The following KAZN variants were observed in gnomAD, a reference collection of about 807,000 sequenced individuals.
KAZN encodes the protein kazrin.
A neutral mutation model predicts 87.4 loss-of-function variants in KAZN; 40 were observed. The observed-to-expected ratio is 0.46, with a 90% CI of 0.36 to 0.60. The LOEUF (loss-of-function observed/expected upper bound fraction) is 0.60. Ranked by LOEUF, KAZN falls within the 20% of genes least tolerant of loss-of-function variation. The pLI is 0.00. For synonymous variants in KAZN, 466 were observed against 458.3 expected (o/e 1.02, Z -0.22); for missense variants, 898 against 1,073.9 (o/e 0.84, Z 2.29).
intron 1 of KAZN, among the ~76,000 whole-genome samples, chr1:13,962,499 C>G (rs765635434): frequency 1.3e-5 from 2 of 152,164 alleles, no homozygotes; most frequent in Non-Finnish European, 2.9e-5. Flanking sequence ...GAGGCTCTCA[C>G]TTGCATCATT....
At chr1:14,817,314 C>A (rs1319373397) in intron 1 of KAZN, among the ~76,000 whole-genome samples, 2 of 152,194 alleles carry the variant, frequency 1.3e-5, no homozygotes, top group East Asian at 3.8e-4. Context: ...CAGACAGGTT[C>A]CTGGCCCATA....
intron 1 of KAZN, among the ~76,000 whole-genome samples, chr1:14,157,531 G>A (rs192449503): frequency 1.7e-4 from 26 of 152,190 alleles, no homozygotes; most frequent in East Asian, 5.8e-4. Context: ...TTCCTTCAGC[G>A]CTTTAAATAT....
chr1:14,514,609 A>G (rs1255599617), intron 2 of KAZN, among the ~76,000 whole-genome samples: 2 of 37,370 alleles, frequency 5.4e-5, no homozygotes, highest in Non-Finnish European at 9.4e-5. Flanking sequence ...ATATATATAT[A>G]TATATATATA....
chr1:14,623,772 A>C (rs375209712), intron 1 of KAZN, among the ~76,000 whole-genome samples: 74 of 151,612 alleles, frequency 4.9e-4, no homozygotes, highest in African/African-American at 1.7e-3. Context: ...TTCTCTTTTG[A>C]TATCTAATTG....
chr1:13,933,489 TC>T (rs546519092), intron 1 of KAZN, among the ~76,000 whole-genome samples: 1 of 151,688 alleles, frequency 6.6e-6, no homozygotes, highest in African/African-American at 2.4e-5. Flanking sequence ...CAAAACTCCG[TC>T]CCCCCCAAAA....
intron 2 of KAZN, among the ~76,000 whole-genome samples, chr1:14,981,296 G>A (rs191847816): frequency 2.0e-5 from 3 of 152,220 alleles, no homozygotes; most frequent in Non-Finnish European, 4.4e-5. Flanking sequence ...GTGCGTGCTT[G>A]ACCCAGTAGC....
intron 2 of KAZN, among the ~76,000 whole-genome samples, chr1:14,536,558 CAG>C (rs1282680995): frequency 1.3e-5 from 2 of 152,218 alleles, no homozygotes. Context: ...AAATGAAAAA[CAG>C]GGAAGAACAT....
intron 1 of KAZN, among the ~76,000 whole-genome samples, chr1:14,607,864 G>A (rs1395835118): frequency 6.6e-6 from 1 of 152,176 alleles, no homozygotes; most frequent in Non-Finnish European, 1.5e-5. Context: ...ATCATCCAAG[G>A]GGGCAATAAG....
intron 1 of KAZN, among the ~76,000 whole-genome samples, chr1:14,908,017 G>A (rs1409390447): frequency 1.3e-5 from 2 of 152,232 alleles, no homozygotes; most frequent in African/African-American, 4.8e-5. Context: ...CCAGCATCAT[G>A]CCGGGCACTT....
Position 14,193,927 on chromosome 1 carries a change from T to C in KAZN, c.249+13335T>C, listed in dbSNP as rs1317137818. On this transcript the variant is annotated intron_variant, in intron 2 of 16. Coordinates refer to the KAZN transcript ENST00000636203. ...CTGTAGGTGGTATCGCTGTTGTTTA[T>C]GCTGCTGATGCCAACATCACGCATA... Among the ~76,000 whole-genome samples the C allele has an allele frequency of 2.6e-5, 4 of 152,254 alleles. No individual in the cohort carries two copies. In the East Asian group the frequency reaches 7.7e-4, roughly 29 times the overall value.
chr1:14,942,591 G>A (rs1401981105), intron 1 of KAZN, among the ~76,000 whole-genome samples: 5 of 152,212 alleles, frequency 3.3e-5, no homozygotes, highest in Non-Finnish European at 5.9e-5. Flanking sequence ...GGAGATGAGG[G>A]GTAGAGGGTG....
intron 1 of KAZN, among the ~76,000 whole-genome samples, chr1:14,646,914 TC>T (rs1680851127): frequency 6.6e-6 from 1 of 152,172 alleles, no homozygotes; most frequent in South Asian, 2.1e-4. Context: ...AGGACAGGGT[TC>T]CCCAGGGCAT....
At chr1:14,031,050 G>A (rs990737165) in intron 1 of KAZN, among the ~76,000 whole-genome samples, 6 of 152,062 alleles carry the variant, frequency 3.9e-5, no homozygotes, top group South Asian at 2.1e-4. Context: ...ATGTAATACC[G>A]TCCTTCCTTA....
At chr1:15,109,964 T>C (rs1641456905) in intron 13 of KAZN, among the ~76,000 whole-genome samples, 1 of 131,086 alleles carries the variant, frequency 7.6e-6, no homozygotes, top group South Asian at 2.3e-4. Flanking sequence ...TTTGTATATG[T>C]GTGTTTGTAT....
intron 1 of KAZN, among the ~76,000 whole-genome samples, chr1:14,956,317 A>AAAAAAT (rs58466983): frequency 4.6e-5 from 7 of 150,680 alleles, no homozygotes; most frequent in African/African-American, 1.7e-4. Context: ...AAAAAAAAAA[A>AAAAAAT]GACCCAGCAC....
chr1:14,384,521 A>G (rs1052725400), intron 2 of KAZN, among the ~76,000 whole-genome samples: 1 of 152,154 alleles, frequency 6.6e-6, no homozygotes. Flanking sequence ...AGTTTTTAGC[A>G]TGAAAGGTTG....
intron 2 of KAZN, among the ~76,000 whole-genome samples, chr1:14,522,576 A>G (rs1008767029): frequency 1.3e-5 from 2 of 152,226 alleles, no homozygotes; most frequent in Non-Finnish European, 2.9e-5. Flanking sequence ...TTAAAGCCTG[A>G]CTTTAATAAA....
chr1:14,649,728 C>T (rs1481142459), intron 1 of KAZN, among the ~76,000 whole-genome samples: 2 of 152,152 alleles, frequency 1.3e-5, no homozygotes, highest in Admixed American at 1.3e-4. Context: ...GGAAAAAATG[C>T]AGCGTGAACT....
At chr1:14,883,391 G>GAAAGAAAGAAAGAAAT (rs1653667830) in intron 1 of KAZN, among the ~76,000 whole-genome samples, 1 of 133,314 alleles carries the variant, frequency 7.5e-6, no homozygotes, top group Non-Finnish European at 1.6e-5. Flanking sequence ...AAGAAAGAAA[G>GAAAGAAAGAAAGAAAT]AAAGAAAGAA....
Sources: gnomAD v4.1 joint callset for allele counts (sites outside exome capture counted in the v4.1 genomes callset) on GRCh38, gnomAD v4.1.1 for gene constraint, MANE v1.5 for transcripts, NCBI Gene and HGNC (gene_info 2026-07-23, HGNC 2026-07-21) for gene names.